The following LAMA2 variants were observed in gnomAD, a reference collection of about 807,000 sequenced individuals.
LAMA2 encodes laminin subunit alpha-2.
Under a neutral mutation model 364.8 loss-of-function variants are expected in LAMA2, and 269 were observed. The observed-to-expected ratio is 0.74, with a 90% confidence interval of 0.67 to 0.82. The LOEUF (loss-of-function observed/expected upper bound fraction) is 0.82, where lower values mean the gene tolerates loss of function less well. Ranked by LOEUF, LAMA2 falls within the 40% of genes least tolerant of loss-of-function variation. The pLI, the probability that LAMA2 is intolerant of heterozygous loss-of-function variation, is 0.00. For missense variants in LAMA2, 3,807 were observed against 3,873.2 expected, an observed-to-expected ratio of 0.98 and a Z score of 0.45; for synonymous variants, 1,379 against 1,370.6, an observed-to-expected ratio of 1.01 and a Z score of -0.14.
At chr6:128,957,837 T>C (rs1309130553) in intron 1 of LAMA2, among the ~76,000 whole-genome samples, 5 of 10,360 alleles carry the variant, frequency 4.8e-4, no homozygotes, top group African/African-American at 1.1e-3. Flanking sequence ...ACTTCATGCA[T>C]TTTTTTTTTT....
intron 40 of LAMA2, among the ~76,000 whole-genome samples, chr6:129,423,755 T>C (rs1781193903): frequency 6.6e-6 from 1 of 151,928 alleles, no homozygotes; most frequent in Admixed American, 6.6e-5. Flanking sequence ...TGGAGATAAA[T>C]AAAAGAAAAT....
intron 8 of LAMA2, among the ~76,000 whole-genome samples, chr6:129,165,355 A>G (rs1356179307): frequency 6.6e-6 from 1 of 152,126 alleles, no homozygotes; most frequent in Non-Finnish European, 1.5e-5. Context: ...AGTAACAAAT[A>G]TATAGGAATT....
At chr6:129,489,048 C>T (rs1784731355) in intron 56 of LAMA2, among the ~76,000 whole-genome samples, 1 of 152,184 alleles carries the variant, frequency 6.6e-6, no homozygotes, top group African/African-American at 2.4e-5. Context: ...TAAATACCTC[C>T]ATCTATGCAC....
intron 2 of LAMA2, among the ~76,000 whole-genome samples, chr6:129,056,726 G>GA (rs1210812317): frequency 6.6e-6 from 1 of 152,016 alleles, no homozygotes. Flanking sequence ...CAAATTTAGT[G>GA]AATATTCAGC....
intron 34 of LAMA2, among the ~76,000 whole-genome samples, chr6:129,376,418 T>G (rs1371111571): frequency 6.6e-6 from 1 of 152,186 alleles, no homozygotes; most frequent in Non-Finnish European, 1.5e-5. Flanking sequence ...CTTTTACTCT[T>G]GTTCTCCTCC....
intron 40 of LAMA2, 28 bp downstream of exon 40, chr6:129,403,987 G>A (rs865824920): frequency 5.0e-6 from 8 of 1,612,784 alleles, no homozygotes; most frequent in Non-Finnish European, 6.8e-6. Flanking sequence ...CATGTGCTGG[G>A]AATGGAAGTC....
intron 4 of LAMA2, among the ~76,000 whole-genome samples, chr6:129,100,420 A>G (rs1325270096): frequency 1.3e-5 from 2 of 152,214 alleles, no homozygotes; most frequent in African/African-American, 2.4e-5. Flanking sequence ...TTTGCCATAG[A>G]ATGATAAGAC....
intron 1 of LAMA2, among the ~76,000 whole-genome samples, chr6:129,034,053 T>G (rs1786431856): frequency 6.6e-6 from 1 of 152,130 alleles, no homozygotes; most frequent in African/African-American, 2.4e-5. Context: ...GAAAATGATG[T>G]GACCAGAGAA....
At chr6:129,366,450 C>T in intron 33 of LAMA2, 89 bp downstream of exon 33, 1 of 1,410,042 alleles carries the variant, frequency 7.1e-7, no homozygotes, top group Non-Finnish European at 9.9e-7. Context: ...AATGTTCTTC[C>T]CACAGCCCCA....
intron 2 of LAMA2, among the ~76,000 whole-genome samples, chr6:129,057,353 T>C (rs1256694716): frequency 6.6e-6 from 1 of 152,200 alleles, no homozygotes; most frequent in Non-Finnish European, 1.5e-5. Flanking sequence ...ACATTTTTCA[T>C]AAAAATAGAA....
intron 12 of LAMA2, among the ~76,000 whole-genome samples, chr6:129,232,834 G>C (rs1020788258): frequency 2.0e-5 from 3 of 152,218 alleles, no homozygotes; most frequent in Non-Finnish European, 2.9e-5. Context: ...TAGAAGAGGG[G>C]GTCAGAGTGA....
At chr6:129,172,926 C>T (rs1194987909) in intron 9 of LAMA2, among the ~76,000 whole-genome samples, 2 of 152,188 alleles carry the variant, frequency 1.3e-5, no homozygotes. Flanking sequence ...GTGGGAGTGA[C>T]CCGATTTTCC....
rs779975082 is a variant in LAMA2 at position 129,143,973 on chromosome 6, G to A, written c.712G>A (p.Ala238Thr). 56 of 1,612,116 alleles carry A rather than the reference G, an allele frequency of 3.5e-5. No homozygotes were observed. Among genetic ancestry groups the A allele is most frequent in the Non-Finnish European group, 4.5e-5 (53 of 1,178,692 alleles). ...TCCAGAACTGCTAGAATTTACCTCCGCTCGCTATATTCGCCTGAGATTTCA... is the reference window on the plus strand; with the variant it reads ...TCCAGAACTGCTAGAATTTACCTCCACTCGCTATATTCGCCTGAGATTTCA... ...PSPELLEFTS[A>T]RYIRLRFQRI... The change falls in exon 5 of 65, where the codon GCT (alanine) becomes ACT (threonine). Residue 238 changes from alanine to threonine, a missense_variant. Ala to Thr is a moderately conservative substitution (Grantham distance 58). Transcript: ENST00000421865.
At chr6:129,320,777 C>A in intron 28 of LAMA2, 122 bp downstream of exon 28, 2 of 700,788 alleles carry the variant, frequency 2.9e-6, no homozygotes. Flanking sequence ...CTTCCACTCA[C>A]AGTGTGAGAC....
At chr6:128,965,393 G>T (rs1781775231) in intron 1 of LAMA2, among the ~76,000 whole-genome samples, 1 of 151,936 alleles carries the variant, frequency 6.6e-6, no homozygotes, top group Admixed American at 6.6e-5. Flanking sequence ...GTGTATTTTA[G>T]AAAACACAAA....
At chr6:129,171,271 G>C (rs1307611933) in intron 9 of LAMA2, among the ~76,000 whole-genome samples, 2 of 152,134 alleles carry the variant, frequency 1.3e-5, no homozygotes, top group Non-Finnish European at 2.9e-5. Flanking sequence ...TCCTAGCATC[G>C]ATGGTCTTTA....
chr6:129,206,226 T>C (rs1782668157), intron 12 of LAMA2, among the ~76,000 whole-genome samples: 1 of 152,144 alleles, frequency 6.6e-6, no homozygotes, highest in South Asian at 2.1e-4. Context: ...CTACTATTTG[T>C]CTTTTAAAGT....
In LAMA2 at chr6:128,913,360, C is replaced by T. The variant is rs143551704; in HGVS notation, c.112+30003C>T. On this transcript the variant is annotated intron_variant, in intron 1 of 64. Transcript: ENST00000421865. ...TAACCAATCATTATAATTATTTATTCGACTGGTGTACTTTGTCTCTAAATG... is the reference window on the plus strand; with the variant it reads ...TAACCAATCATTATAATTATTTATTTGACTGGTGTACTTTGTCTCTAAATG... 2.6e-3 allele frequency among the ~76,000 whole-genome samples: 390 copies of T among 152,186 alleles called. 1 individual carries two copies. The highest frequency in any genetic ancestry group is 9.0e-3 in the African/African-American group (372 of 41,516).
chr6:129,161,523 T>A (rs899132274), intron 8 of LAMA2, among the ~76,000 whole-genome samples: 2 of 152,198 alleles, frequency 1.3e-5, no homozygotes, highest in Admixed American at 6.5e-5. Context: ...CCTCTTTGTA[T>A]AATTTTCCAT....
Sources: allele counts gnomAD v4.1 joint callset (sites outside exome capture counted in the v4.1 genomes callset), GRCh38; gene constraint gnomAD v4.1.1; transcripts MANE v1.5; gene names NCBI Gene and HGNC (gene_info 2026-07-23, HGNC 2026-07-21).